The following ZNF114 variants were observed in gnomAD, a reference collection of about 807,000 sequenced individuals.
The protein encoded by ZNF114 is zinc finger protein 114, also known as zinc finger protein 114 (Y18).
ZNF114 carries 8 observed loss-of-function variants against 6.8 expected under a neutral mutation model. That is an observed-to-expected ratio of 1.18 (90% CI 0.69 to 2.13). The LOEUF (loss-of-function observed/expected upper bound fraction) is 2.13, where lower values mean the gene tolerates loss of function less well. Among genes scored for constraint, ZNF114 ranks in the 30% most tolerant of loss-of-function variants. ZNF114 has a pLI of 0.00. For synonymous variants in ZNF114, 169 were observed against 185.5 expected, an observed-to-expected ratio of 0.91 and a Z score of 0.72; for missense variants, 472 against 519.5, an observed-to-expected ratio of 0.91 and a Z score of 0.89.
At chr19:48,280,287 G>A (rs998050179) in intron 4 of ZNF114, among the ~76,000 whole-genome samples, 1 of 152,062 alleles carries the variant, frequency 6.6e-6, no homozygotes, top group Non-Finnish European at 1.5e-5. Context: ...AAGAGGCTGA[G>A]GTGAGAGAAT....
At chr19:48,275,405 C>T (rs561931949) in intron 3 of ZNF114, among the ~76,000 whole-genome samples, 414 of 134,586 alleles carry the variant, frequency 3.1e-3, no homozygotes, top group Non-Finnish European at 5.6e-3. Context: ...ATGATGAAGT[C>T]CTGTCTCTAC....
At chr19:48,285,037 G>A (rs1968082097) in intron 5 of ZNF114, among the ~76,000 whole-genome samples, 1 of 152,158 alleles carries the variant, frequency 6.6e-6, no homozygotes, top group African/African-American at 2.4e-5. Flanking sequence ...CTTGATCTCT[G>A]CAGAACTGTT....
At chr19:48,277,794 G>GGGGGTGTGTGTGTGTGT (rs1330052475) in intron 3 of ZNF114, among the ~76,000 whole-genome samples, 2 of 119,338 alleles carry the variant, frequency 1.7e-5, no homozygotes, top group African/African-American at 6.6e-5. Flanking sequence ...GGAGGCATTG[G>GGGGGTGTGTGTGTGTGT]GTGTGTGTGT....
intron 4 of ZNF114, among the ~76,000 whole-genome samples, chr19:48,280,583 A>C (rs1600842917): frequency 1.7e-5 from 2 of 115,684 alleles, no homozygotes; most frequent in Non-Finnish European, 1.7e-5. Context: ...ACGGAGTTTC[A>C]CTCTTGTTGC....
At chr19:48,285,417 G>A (rs977147024) in intron 5 of ZNF114, among the ~76,000 whole-genome samples, 2 of 151,958 alleles carry the variant, frequency 1.3e-5, no homozygotes, top group African/African-American at 4.8e-5. Flanking sequence ...AGAATTGCTT[G>A]AACCTGGGAG....
In ZNF114 at chr19:48,286,315, C is replaced by A; in HGVS notation, c.691C>A (p.Arg231Ser). The A allele has an allele frequency of 1.2e-6, 2 of 1,614,132 alleles. No individual in the cohort carries two copies. The highest frequency in any genetic ancestry group is 1.3e-5 in the African/African-American group (1 of 75,008). Residue 231 changes from arginine (R) to serine (S), a missense_variant, in exon 6 of 6, where the codon CGT (arginine) becomes AGT (serine). Coordinates refer to ENST00000595607, the MANE Select transcript of ZNF114 (RefSeq NM_153608.4). ...HQRNPFGKAF[R>S]EDGSLRAHNT... ...GCGGAATCCATTTGGAAAAGCTTTC[C>A]GTGAAGACGGATCCCTTAGGGCACA...
chr19:48,274,781 C>T lies in ZNF114; in HGVS notation c.-70+2953C>T, dbSNP rs555011346. Among the ~76,000 whole-genome samples the T allele has an allele frequency of 2.6e-5, 4 of 151,752 alleles. No homozygotes were observed. In the South Asian group the frequency reaches 8.4e-4, roughly 32 times the overall value. On this transcript the variant is annotated intron_variant, in intron 3 of 5. Transcript: ENST00000595607. ...TCGGCCTCCCAAAGTGCTGGGATTA[C>T]AGGCGTGAGCCACCACGCCTGGCCT...
At chr19:48,275,293 C>T (rs1190293598) in intron 3 of ZNF114, among the ~76,000 whole-genome samples, 1 of 150,364 alleles carries the variant, frequency 6.7e-6, no homozygotes, top group Non-Finnish European at 1.5e-5. Context: ...GAGACAGAAA[C>T]ATCCTAGGTT....
In ZNF114 at chr19:48,287,021, C is replaced by G. The variant is rs531345141; in HGVS notation, c.*143C>G. 37 of 864,562 alleles carry G rather than the reference C, an allele frequency of 4.3e-5. 1 individual carries two copies. The South Asian group carries it at 1.0e-3, about 23-fold the overall frequency. 53.6% of individuals were successfully genotyped at this position (864,562 alleles called of 1,614,324 possible). ...ATCTTACAGAAATGTGAAAAAAAAC[C>G]CTGTGAAGGTAAAGTCTACAGAAAG... On this transcript the variant is annotated 3_prime_UTR_variant, in exon 6 of 6. Transcript: ENST00000595607.
intron 3 of ZNF114, among the ~76,000 whole-genome samples, chr19:48,275,302 T>C (rs1967798642): frequency 6.7e-6 from 1 of 148,546 alleles, no homozygotes; most frequent in Non-Finnish European, 1.5e-5. Flanking sequence ...ACATCCTAGG[T>C]TGGTCAGGCT....
Position 48,286,559 on chromosome 19 carries a change from C to T in ZNF114, c.935C>T (p.Ala312Val), listed in dbSNP as rs1002193623. 6.2e-7 allele frequency: 1 copy of T among 1,613,970 alleles called. No homozygotes were observed. Among genetic ancestry groups the T allele is most frequent in the African/African-American group, 1.3e-5 (1 of 74,920 alleles). Residue 312 changes from alanine (A) to valine (V), a missense_variant, in exon 6 of 6, where the codon GCC becomes GTC. Transcript: ENST00000595607. ...KTHKCPECGR[A>V]FFYQSFLMRH... ...CATAAATGCCCCGAATGTGGGAGAG[C>T]CTTTTTTTATCAGTCATTCCTTATG...
In ZNF114 at chr19:48,271,391, G is replaced by A. The variant is rs1256935354; in HGVS notation, c.-230G>A. ...GAGCCTAGGAACGGTGGCGCGGGCG[G>A]AGGCGACAGCGAGGACCCAAGGCTG... is the stretch of plus-strand genomic sequence containing the variant. On this transcript the variant is annotated 5_prime_UTR_variant, in exon 2 of 6. Transcript: ENST00000595607. The A allele has an allele frequency of 6.6e-6, 1 of 152,436 alleles. No individual in the cohort carries two copies. The highest frequency in any genetic ancestry group is 6.5e-5 in the Admixed American group (1 of 15,280). 9.4% of individuals were successfully genotyped at this position (152,436 alleles called of 1,614,324 possible).
chr19:48,284,160 C>A (rs114497410), intron 5 of ZNF114, among the ~76,000 whole-genome samples: 1 of 152,284 alleles, frequency 6.6e-6, no homozygotes, highest in African/African-American at 2.4e-5. Flanking sequence ...CGGCATTCCT[C>A]AGATCAGTGA....
intron 4 of ZNF114, 134 bp from the exon 5 acceptor site, chr19:48,282,237 A>C: frequency 3.3e-6 from 4 of 1,204,516 alleles, no homozygotes; most frequent in Non-Finnish European, 4.7e-6. Flanking sequence ...CAAAGACTCT[A>C]GTTCACAAAT....
chr19:48,272,792 C>CTT (rs1170280344), intron 3 of ZNF114, among the ~76,000 whole-genome samples: 3,230 of 83,776 alleles, frequency 0.039, 255 homozygotes, highest in Non-Finnish European at 0.054. Flanking sequence ...CGAGAAAGAG[C>CTT]TTTTTTTTTT....
Position 48,286,356 on chromosome 19 carries a change from A to C in ZNF114, c.732A>C (p.Arg244=). 1.2e-6 allele frequency: 2 copies of C among 1,614,242 alleles called. No individual in the cohort carries two copies. The highest frequency in any genetic ancestry group is 1.7e-6 in the Non-Finnish European group (2 of 1,180,048). The change falls in exon 6 of 6, where the codon CGA becomes CGC. Residue 244 remains arginine (R), a synonymous_variant. Coordinates refer to ENST00000595607, the MANE Select transcript of ZNF114 (RefSeq NM_153608.4). ...GSLRAHNTHG[R]EKMYDFTQCE... ...TTAGGGCACACAACACTCATGGTCG[A>C]GAGAAAATGTATGATTTTACTCAGT...
intron 3 of ZNF114, among the ~76,000 whole-genome samples, chr19:48,275,771 G>A (rs1213635518): frequency 1.3e-5 from 2 of 152,040 alleles, no homozygotes; most frequent in East Asian, 1.9e-4. Flanking sequence ...GAGGCAGGCA[G>A]ATCACGAGGT....
At chr19:48,285,616 A>G (rs28430620) in intron 5 of ZNF114, 145 bp from the exon 6 acceptor site, 217 of 895,024 alleles carry the variant, frequency 2.4e-4, no homozygotes, top group Non-Finnish European at 3.1e-4. Flanking sequence ...AGGAAGGAAG[A>G]AAGAAAGGAT....
At position 48,286,173 on chromosome 19, in the gene ZNF114, C is replaced by A; in HGVS notation, c.549C>A (p.Asn183Lys). Reference protein sequence around the residue: ...NNEDDGVLGWNIQWVPCGRKT... With the variant: ...NNEDDGVLGWKIQWVPCGRKT... ...AAGACGATGGAGTCTTGGGGTGGAA[C>A]ATTCAGTGGGTTCCGTGTGGGAGAA... Residue 183 changes from asparagine (N) to lysine (K), a missense_variant, in exon 6 of 6, where the codon AAC (asparagine) becomes AAA (lysine). Coordinates refer to ENST00000595607, the MANE Select transcript of ZNF114 (RefSeq NM_153608.4). 1 of 1,614,172 alleles carries A rather than the reference C, an allele frequency of 6.2e-7. No homozygotes were observed. Among genetic ancestry groups the A allele is most frequent in the East Asian group, 2.2e-5 (1 of 44,894 alleles).
Sources: gnomAD v4.1 joint callset for allele counts (sites outside exome capture counted in the v4.1 genomes callset) on GRCh38, gnomAD v4.1.1 for gene constraint, MANE v1.5 for transcripts, NCBI Gene and HGNC (gene_info 2026-07-23, HGNC 2026-07-21) for gene names.